FRMPD4: variants seen among roughly 807,000 people sequenced by gnomAD.
The protein encoded by FRMPD4 is FERM and PDZ domain-containing protein 4.
In FRMPD4, 22 loss-of-function variants were observed where a neutral mutation model predicts 94.1. That is an observed-to-expected ratio of 0.23 (90% CI 0.17 to 0.33). The LOEUF (loss-of-function observed/expected upper bound fraction) is 0.33. Ranked by LOEUF, FRMPD4 falls within the 10% of genes least tolerant of loss-of-function variation. The probability of loss-of-function intolerance (pLI) is 1.00; values close to 1 mark genes in which losing one functional copy is unlikely to be tolerated. For missense variants in FRMPD4, 1,111 were observed against 1,339.9 expected, an observed-to-expected ratio of 0.83 and a Z score of 2.67; for synonymous variants, 631 against 548.6, an observed-to-expected ratio of 1.15 and a Z score of -2.10.
intron 1 of FRMPD4, among the ~76,000 whole-genome samples, chrX:11,823,704 T>C (rs1397485938): frequency 8.9e-6 from 1 of 111,951 alleles, no homozygotes; most frequent in Non-Finnish European, 1.9e-5. Context: ...TATATTCCAA[T>C]AAAGCTTTAT....
chrX:12,270,742 G>T (rs982165931), intron 1 of FRMPD4, among the ~76,000 whole-genome samples: 3 of 111,189 alleles, frequency 2.7e-5, no homozygotes, highest in African/African-American at 9.8e-5. Context: ...CGTTTCTTCC[G>T]CAAATCTATG....
At chrX:12,168,648 CAG>C (rs1262957442) in intron 1 of FRMPD4, among the ~76,000 whole-genome samples, 2 of 67,184 alleles carry the variant, frequency 3.0e-5, no homozygotes, top group Non-Finnish European at 5.1e-5. Context: ...TTTTTTGAGA[CAG>C]AGTCTCACTC....
At chrX:12,059,092 C>T (rs957544059) in intron 3 of FRMPD4, among the ~76,000 whole-genome samples, 2 of 111,643 alleles carry the variant, frequency 1.8e-5, no homozygotes, top group Non-Finnish European at 3.8e-5. Context: ...AGACATTTCA[C>T]CTGACTTAGT....
chrX:12,583,421 T>G (rs2058888937), intron 2 of FRMPD4: 2 of 1,186,521 alleles, frequency 1.7e-6, no homozygotes, highest in South Asian at 3.6e-5. Context: ...TCACCGAACA[T>G]GGCTTCCAGC....
intron 1 of FRMPD4, among the ~76,000 whole-genome samples, chrX:12,273,612 C>T (rs969468245): frequency 1.8e-5 from 2 of 112,241 alleles, no homozygotes; most frequent in African/African-American, 6.5e-5. Flanking sequence ...TGGTTCCTTG[C>T]AGTGTCAATC....
chrX:12,443,855 G>A (rs752242476), intron 1 of FRMPD4, among the ~76,000 whole-genome samples: 12 of 111,967 alleles, frequency 1.1e-4, no homozygotes, highest in Admixed American at 1.9e-4. Context: ...TTGACCTCCT[G>A]GATAAGTGTG....
At chrX:12,653,955 C>T (rs150636703) in intron 4 of FRMPD4, among the ~76,000 whole-genome samples, 26 of 111,588 alleles carry the variant, frequency 2.3e-4, no homozygotes, top group African/African-American at 7.5e-4. Flanking sequence ...TTAGTAGAGA[C>T]AGGTTTTCAC....
chrX:12,452,565 C>T (rs757543705), intron 1 of FRMPD4, among the ~76,000 whole-genome samples: 1 of 112,091 alleles, frequency 8.9e-6, no homozygotes, highest in South Asian at 3.8e-4. Flanking sequence ...TCATTTCTCT[C>T]CTGCAAGGCC....
chrX:12,165,656 A>G (rs2056103669), intron 1 of FRMPD4, among the ~76,000 whole-genome samples: 1 of 111,311 alleles, frequency 9.0e-6, no homozygotes, highest in African/African-American at 3.3e-5. Flanking sequence ...GGCCATTTTC[A>G]CGATATTGAT....
chrX:12,028,253 C>A (rs1263135960), intron 3 of FRMPD4, among the ~76,000 whole-genome samples: 1 of 112,102 alleles, frequency 8.9e-6, no homozygotes, highest in Non-Finnish European at 1.9e-5. Flanking sequence ...GCAGGAGAAT[C>A]TCTCTAATCT....
At chrX:12,187,818 G>A (rs922537989) in intron 1 of FRMPD4, among the ~76,000 whole-genome samples, 1 of 111,490 alleles carries the variant, frequency 9.0e-6, no homozygotes, top group African/African-American at 3.3e-5. Flanking sequence ...TATACACTAG[G>A]TATAAATTTA....
Position 12,649,267 on chromosome X carries a change from G to A in FRMPD4, c.423-25596G>A, listed in dbSNP as rs189484514. On this transcript the variant is annotated intron_variant, in intron 4 of 16. Coordinates refer to ENST00000675598, the MANE Select transcript of FRMPD4 (RefSeq NM_001368397.1). ...GAGCAGTTCTTTATGTGCCCTTAAA[G>A]TGAGCCAACTCCATGTCTGGGCTAG... Among the ~76,000 whole-genome samples, 777 of 112,059 alleles carry A rather than the reference G, an allele frequency of 6.9e-3. 1 individual carries two copies. Among genetic ancestry groups the A allele is most frequent in the Non-Finnish European group, 0.01 (554 of 53,188 alleles).
intron 1 of FRMPD4, among the ~76,000 whole-genome samples, chrX:12,220,912 C>T (rs1057092917): frequency 4.5e-5 from 5 of 111,763 alleles, no homozygotes; most frequent in Admixed American, 1.9e-4. Context: ...TAATTTAGAG[C>T]AAGATGGAAG....
chrX:12,175,318 C>T (rs2056280269), intron 1 of FRMPD4, among the ~76,000 whole-genome samples: 1 of 111,659 alleles, frequency 9.0e-6, no homozygotes, highest in South Asian at 3.8e-4. Context: ...GTATTGTGAA[C>T]AGTGATCTCT....
intron 1 of FRMPD4, among the ~76,000 whole-genome samples, chrX:12,434,868 TA>T (rs904540737): frequency 8.9e-6 from 1 of 112,660 alleles, no homozygotes; most frequent in Non-Finnish European, 1.9e-5. Context: ...GTTTGCTTTT[TA>T]AAAAACTACT....
At position 12,138,500 on chromosome X, in the gene FRMPD4, G is replaced by T. The variant is rs1224961241; in HGVS notation, c.-472G>T. On this transcript the variant is annotated 5_prime_UTR_variant, in exon 1 of 17. Coordinates refer to ENST00000675598, the MANE Select transcript of FRMPD4 (RefSeq NM_001368397.1). ...CTGCAGTGCTGCGAGGGGTGCGTGC[G>T]CGTGTGCCCAGCTCGCCTGCCGTCT... is the stretch of plus-strand genomic sequence containing the variant. The T allele has an allele frequency of 5.5e-6, 1 of 180,987 alleles. No individual in the cohort carries two copies. Among genetic ancestry groups the T allele is most frequent in the Non-Finnish European group, 1.0e-5 (1 of 97,145 alleles). 14.9% of individuals were successfully genotyped at this position (180,987 alleles called of 1,213,427 possible).
chrX:12,121,493 G>A (rs2055454045), intron 3 of FRMPD4, among the ~76,000 whole-genome samples: 1 of 111,689 alleles, frequency 9.0e-6, no homozygotes, highest in Non-Finnish European at 1.9e-5. Context: ...ATTTTTAAGA[G>A]TATAATGGGG....
chrX:12,328,426 C>T (rs2055321723), intron 1 of FRMPD4, among the ~76,000 whole-genome samples: 1 of 111,726 alleles, frequency 9.0e-6, no homozygotes, highest in African/African-American at 3.3e-5. Flanking sequence ...GCTGAGGCCA[C>T]ACTAGACCAC....
intron 1 of FRMPD4, among the ~76,000 whole-genome samples, chrX:12,339,639 T>C (rs10127238): frequency 0.093 from 10,090 of 108,639 alleles, 1,279 homozygotes; most frequent in African/African-American, 0.32. Context: ...TTTTTTGAGA[T>C]GGAATCTCCC....
Sources: gnomAD v4.1 joint callset for allele counts (sites outside exome capture counted in the v4.1 genomes callset) on GRCh38, gnomAD v4.1.1 for gene constraint, MANE v1.5 for transcripts, NCBI Gene and HGNC (gene_info 2026-07-23, HGNC 2026-07-21) for gene names.